ARFGEF3: variants seen among roughly 807,000 people sequenced by gnomAD.
The protein encoded by ARFGEF3 is brefeldin A-inhibited guanine nucleotide-exchange protein 3.
In ARFGEF3, 96 loss-of-function variants were observed where a neutral mutation model predicts 221.7. The observed-to-expected ratio is 0.43, with a 90% confidence interval of 0.37 to 0.51. The LOEUF is 0.51. Ranked by LOEUF, ARFGEF3 falls within the 20% of genes least tolerant of loss-of-function variation. The pLI is 0.00. For missense variants in ARFGEF3, 2,410 were observed against 2,789.9 expected, an observed-to-expected ratio of 0.86 and a Z score of 3.07; for synonymous variants, 1,145 against 1,126.8, an observed-to-expected ratio of 1.02 and a Z score of -0.32.
In ARFGEF3 at chr6:138,204,841, C is replaced by T. The variant is rs187201618; in HGVS notation, c.138-2201C>T. On this transcript the variant is annotated intron_variant, in intron 2 of 33. Transcript: ENST00000251691. ...CACAGCCCATGTTCTTTCTACTAAA[C>T]ACTCATATCTTTCAACTCAGCCAAA... Among the ~76,000 whole-genome samples, 49 of 152,286 alleles carry T rather than the reference C, an allele frequency of 3.2e-4. No homozygotes were observed. In the East Asian group the frequency reaches 7.1e-3, roughly 22 times the overall value.
At chr6:138,314,807 G>A (rs1409285394) in intron 26 of ARFGEF3, among the ~76,000 whole-genome samples, 1 of 152,144 alleles carries the variant, frequency 6.6e-6, no homozygotes. Context: ...AACTTCGGGG[G>A]AAATATTCAA....
chr6:138,253,802 G>A lies in ARFGEF3; in HGVS notation c.666-78G>A, dbSNP rs775001758. On this transcript the variant is annotated intron_variant, in intron 8 of 33. Coordinates refer to ENST00000251691, the MANE Select transcript of ARFGEF3 (RefSeq NM_020340.5). Reference sequence around the variant, plus strand: ...CTTTAGTAACGCCTACCATTTTTCCGAGCGTGTTTCCACACATCACCTCTT... The same window carrying A: ...CTTTAGTAACGCCTACCATTTTTCCAAGCGTGTTTCCACACATCACCTCTT... The A allele has an allele frequency of 1.9e-5, 22 of 1,138,732 alleles. No individual in the cohort carries two copies. In the East Asian group the frequency reaches 2.9e-4, roughly 15 times the overall value. 70.5% of individuals were successfully genotyped at this position (1,138,732 alleles called of 1,614,324 possible).
rs1263724154 is a variant in ARFGEF3 at position 138,337,873 on chromosome 6, T to G, written c.*1387T>G. ...TCTACAGAGTTATTTAAGGCATACA[T>G]TATAATCTCCCAGCCCCATTCATAA... On this transcript the variant is annotated 3_prime_UTR_variant, in exon 34 of 34. Transcript: ENST00000251691. 1 of 152,214 alleles carries G rather than the reference T, an allele frequency of 6.6e-6. No homozygotes were observed. Among genetic ancestry groups the G allele is most frequent in the African/African-American group, 2.4e-5 (1 of 41,462 alleles). The allele number at this position is 152,214 out of a possible 1,614,324, so 9.4% of individuals were successfully genotyped here.
chr6:138,240,482 T>C (rs956021390), intron 6 of ARFGEF3, among the ~76,000 whole-genome samples: 2 of 152,188 alleles, frequency 1.3e-5, no homozygotes, highest in Non-Finnish European at 2.9e-5. Context: ...ATACTGCTCT[T>C]CCATAAGAAT....
At chr6:138,249,207 A>C (rs542072364) in intron 8 of ARFGEF3, among the ~76,000 whole-genome samples, 1 of 152,380 alleles carries the variant, frequency 6.6e-6, no homozygotes, top group Admixed American at 6.5e-5. Context: ...TGTACAAACA[A>C]ACACTGCAAA....
rs530057952 is a variant in ARFGEF3 at position 138,336,748 on chromosome 6, C to G, written c.*262C>G. Reference sequence around the variant, plus strand: ...TCTATAATCCTTGATATGTTTCTAACTCTTGAAGTATATTTCCCAGTGCTT... The same window carrying G: ...TCTATAATCCTTGATATGTTTCTAAGTCTTGAAGTATATTTCCCAGTGCTT... On this transcript the variant is annotated 3_prime_UTR_variant, in exon 34 of 34. Transcript: ENST00000251691. 1 of 275,172 alleles carries G rather than the reference C, an allele frequency of 3.6e-6. No homozygotes were observed. The highest frequency in any genetic ancestry group is 6.7e-6 in the Non-Finnish European group (1 of 148,814). 17.0% of individuals were successfully genotyped at this position (275,172 alleles called of 1,614,324 possible).
intron 13 of ARFGEF3, 144 bp from the exon 14 acceptor site, chr6:138,279,855 C>T (rs1779164643): frequency 1.4e-6 from 1 of 693,156 alleles, no homozygotes; most frequent in Non-Finnish European, 2.4e-6. Flanking sequence ...ATCTCTACTT[C>T]TCCCCACTTG....
intron 10 of ARFGEF3, among the ~76,000 whole-genome samples, chr6:138,258,885 G>A (rs1322830663): frequency 6.6e-6 from 1 of 152,184 alleles, no homozygotes; most frequent in East Asian, 1.9e-4. Context: ...GTACCTGGAT[G>A]CTAAGTAGAT....
rs1354613634 is a variant in ARFGEF3, at chr6:138,162,019, G to T, written c.-68G>T. 2 of 1,199,026 alleles carry T rather than the reference G, an allele frequency of 1.7e-6. No individual in the cohort carries two copies. The highest frequency in any genetic ancestry group is 2.3e-6 in the Non-Finnish European group (2 of 876,794). The allele number at this position is 1,199,026 out of a possible 1,614,324, so 74.3% of individuals were successfully genotyped here. A position where few individuals can be genotyped will look rare whatever the true frequency, so the allele number is the denominator to read the frequency against. On this transcript the variant is annotated 5_prime_UTR_variant, in exon 1 of 34. Transcript: ENST00000251691. This position sits in a 1 kb window ranked among gnomAD's most constrained non-coding sequence, Gnocchi z 4.7. ...AGGCGCCCAGGGCCAGGCAGCGGCG[G>T]CTTCCCCGGCCCGGCTCGCCCGCGC...
chr6:138,309,819 C>T (rs948064416), intron 24 of ARFGEF3, among the ~76,000 whole-genome samples: 1 of 152,180 alleles, frequency 6.6e-6, no homozygotes, highest in African/African-American at 2.4e-5. Flanking sequence ...AGAGAATTCT[C>T]CTTTTCTCTG....
chr6:138,315,893 T>C (rs541225787), intron 26 of ARFGEF3, among the ~76,000 whole-genome samples: 1 of 152,008 alleles, frequency 6.6e-6, no homozygotes, highest in African/African-American at 2.4e-5. Flanking sequence ...TTGTGAGGAA[T>C]AATTACAGGA....
At chr6:138,258,530 G>C (rs765599617) in intron 10 of ARFGEF3, among the ~76,000 whole-genome samples, 6 of 152,154 alleles carry the variant, frequency 3.9e-5, no homozygotes, top group African/African-American at 1.4e-4. Context: ...TCATGGTTGG[G>C]CTTCCTCAGA....
At position 138,294,044 on chromosome 6, in the gene ARFGEF3, T is replaced by G. The variant is rs1056565120; in HGVS notation, c.3420T>G (p.Phe1140Leu). Residue 1140 changes from phenylalanine (F) to leucine (L), a missense_variant, in exon 20 of 34, where the codon TTT becomes TTG. Transcript: ENST00000251691. Reference sequence around the variant, plus strand: ...TGAACCTCATGGCCTTGGGAGGTTTTCTTTACCAGCTGAAGAAAGCATCGC... The same window carrying G: ...TGAACCTCATGGCCTTGGGAGGTTTGCTTTACCAGCTGAAGAAAGCATCGC... ...DKLNLMALGG[F>L]LYQLKKASQS... is the part of the protein sequence containing the mutation. 3.1e-6 allele frequency: 5 copies of G among 1,613,986 alleles called. No homozygotes were observed. In the East Asian group the frequency reaches 1.1e-4, roughly 36 times the overall value.
intron 12 of ARFGEF3, among the ~76,000 whole-genome samples, chr6:138,274,795 C>CAAAA (rs11427921): frequency 9.0e-6 from 1 of 111,542 alleles, no homozygotes. Context: ...AACTCCGTCT[C>CAAAA]AAAAAAAAAA....
chr6:138,195,518 A>G (rs1388447108), intron 2 of ARFGEF3, among the ~76,000 whole-genome samples: 2 of 152,150 alleles, frequency 1.3e-5, no homozygotes, highest in Non-Finnish European at 2.9e-5. Flanking sequence ...TATAATCTGC[A>G]TGATAGTCTC....
intron 4 of ARFGEF3, chr6:138,216,969 A>G (rs1382065263): frequency 6.6e-6 from 1 of 152,240 alleles, no homozygotes; most frequent in Non-Finnish European, 1.5e-5. Flanking sequence ...TTGCAAACAG[A>G]CTAATATAAT....
At chr6:138,165,239 A>G (rs745605569) in intron 1 of ARFGEF3, among the ~76,000 whole-genome samples, 12 of 151,690 alleles carry the variant, frequency 7.9e-5, no homozygotes, top group Non-Finnish European at 1.2e-4. Flanking sequence ...CCCTCATGGG[A>G]GAGAGGGGAT....
chr6:138,240,775 TA>T (rs1053219211), intron 6 of ARFGEF3, among the ~76,000 whole-genome samples: 1 of 152,274 alleles, frequency 6.6e-6, no homozygotes, highest in African/African-American at 2.4e-5. Context: ...GAGGGAGACA[TA>T]AGTTTTGCCG....
At chr6:138,284,258 T>C (rs1420391078) in intron 14 of ARFGEF3, among the ~76,000 whole-genome samples, 2 of 152,086 alleles carry the variant, frequency 1.3e-5, no homozygotes, top group African/African-American at 2.4e-5. Flanking sequence ...TGAGCTGAGA[T>C]TGTGCCACTG....
Sources: gnomAD v4.1 joint callset for allele counts (sites outside exome capture counted in the v4.1 genomes callset) on GRCh38, gnomAD v4.1.1 for gene constraint, Gnocchi (gnomAD v3.1) non-coding constraint, MANE v1.5 for transcripts, NCBI Gene and HGNC (gene_info 2026-07-23, HGNC 2026-07-21) for gene names.